SESTD1: variants seen among roughly 807,000 people sequenced by gnomAD.
SESTD1 encodes SEC14 domain and spectrin repeat-containing protein 1.
In SESTD1, 43 loss-of-function variants were observed where a neutral mutation model predicts 101.7. The ratio of observed to expected loss-of-function variants is 0.42; its 90% CI spans 0.33 to 0.55. The LOEUF is 0.55. SESTD1 is among the 20% of genes least tolerant of loss of function. The pLI is 0.07. For synonymous variants in SESTD1, 283 were observed against 286.8 expected, an observed-to-expected ratio of 0.99 and a Z score of 0.13; for missense variants, 647 against 815.1, an observed-to-expected ratio of 0.79 and a Z score of 2.51.
At position 179,176,480 on chromosome 2, in the gene SESTD1, T is replaced by C; in HGVS notation, c.223A>G (p.Asn75Asp). 1 of 1,613,542 alleles carries C rather than the reference T, an allele frequency of 6.2e-7. No homozygotes were observed. Among genetic ancestry groups the C allele is most frequent in the Non-Finnish European group, 8.5e-7 (1 of 1,179,788 alleles). The change falls in exon 4 of 18, where the codon AAT becomes GAT. Residue 75 changes from asparagine (N) to aspartate (D), a missense_variant. Transcript: ENST00000428443. ...ATTACGACTACTGTTTTCACCACAT[T>C]CCACTGTGATTTTCTGCCATCCACA... ...VIVDGRKSQW[N>D]VVKTVVVMLQ...
intron 15 of SESTD1, among the ~76,000 whole-genome samples, chr2:179,115,758 A>G (rs1057408707): frequency 6.6e-6 from 1 of 152,006 alleles, no homozygotes; most frequent in Admixed American, 6.6e-5. Flanking sequence ...AAAAAAACAA[A>G]AATTGTTTTA....
chr2:179,109,962 C>T lies in SESTD1; in HGVS notation c.2028G>A (p.Met676Ile). 6.2e-7 allele frequency: 1 copy of T among 1,613,938 alleles called. No individual in the cohort carries two copies. The change falls in exon 18 of 18, where the codon ATG (methionine) becomes ATA (isoleucine). Residue 676 changes from methionine to isoleucine, a missense_variant. Met to Ile is a conservative substitution (Grantham distance 10, BLOSUM62 1). Coordinates refer to ENST00000428443, the MANE Select transcript of SESTD1 (RefSeq NM_178123.5). Reference protein sequence around the residue: ...ASTAENIRDRMKLVNLKRQQL... With the variant: ...ASTAENIRDRIKLVNLKRQQL... ...GCTGCCTTTTGAGATTAACTAGTTTCATCCTGTCTCTGATGTTTTCTGCAG... is the reference window on the plus strand; with the variant it reads ...GCTGCCTTTTGAGATTAACTAGTTTTATCCTGTCTCTGATGTTTTCTGCAG...
chr2:179,198,027 G>C (rs1488575324), intron 1 of SESTD1, among the ~76,000 whole-genome samples: 6 of 152,174 alleles, frequency 3.9e-5, no homozygotes, highest in Non-Finnish European at 8.8e-5. Flanking sequence ...ACTGGATAAA[G>C]AGTCAAGACC....
rs71023472 is a variant in SESTD1, at chr2:179,229,749, T to TTATATATATATATATATA, written c.-26+34732_-26+34749dup. Among the ~76,000 whole-genome samples, 905 of 106,156 alleles carry TTATATATATATATATATA rather than the reference T, an allele frequency of 8.5e-3. 17 individuals carry two copies. The highest frequency in any genetic ancestry group is 0.011 in the Non-Finnish European group (569 of 50,772). The allele number at this position is 106,156 out of a possible 152,430, so 69.6% of individuals were successfully genotyped here. On this transcript the variant is annotated intron_variant, in intron 1 of 17. Coordinates refer to ENST00000428443, the MANE Select transcript of SESTD1 (RefSeq NM_178123.5). Reference sequence around the variant, plus strand: ...AAGAAATTTAAGATTTTGTAAGAACTTATATATATATATATATATATATAT... The same window carrying TTATATATATATATATATA: ...AAGAAATTTAAGATTTTGTAAGAACTTATATATATATATATATATATATATATATATATATATATATAT...
At chr2:179,225,280 T>C (rs965450290) in intron 1 of SESTD1, among the ~76,000 whole-genome samples, 6 of 152,150 alleles carry the variant, frequency 3.9e-5, no homozygotes, top group African/African-American at 1.2e-4. Flanking sequence ...GGGTTTTTTT[T>C]CCCGTATCTC....
chr2:179,217,338 T>A (rs1284079357), intron 1 of SESTD1, among the ~76,000 whole-genome samples: 1 of 152,182 alleles, frequency 6.6e-6, no homozygotes, highest in Non-Finnish European at 1.5e-5. Context: ...TAGACACTTC[T>A]CAAAAGAAGA....
chr2:179,127,318 C>G (rs76426605), intron 10 of SESTD1, among the ~76,000 whole-genome samples: 2 of 152,198 alleles, frequency 1.3e-5, no homozygotes, highest in African/African-American at 4.8e-5. Flanking sequence ...CTCAGAGAGG[C>G]CTTTCCTAAA....
chr2:179,119,553 C>T (rs1054835592), intron 13 of SESTD1, among the ~76,000 whole-genome samples: 1 of 152,138 alleles, frequency 6.6e-6, no homozygotes, highest in African/African-American at 2.4e-5. Context: ...CCTTCCACCA[C>T]GATTCTGTTT....
At chr2:179,169,620 G>C (rs570317907) in intron 5 of SESTD1, among the ~76,000 whole-genome samples, 1 of 152,166 alleles carries the variant, frequency 6.6e-6, no homozygotes, top group African/African-American at 2.4e-5. Flanking sequence ...TCCAACAACA[G>C]AATACTTATT....
chr2:179,225,008 AGTCAGTAACACAG>A (rs2046863984), intron 1 of SESTD1, among the ~76,000 whole-genome samples: 1 of 152,222 alleles, frequency 6.6e-6, no homozygotes. Context: ...ATAGCCAGTC[AGTCAGTAACACAG>A]GTCACAACCT....
At chr2:179,215,121 C>G (rs2046702354) in intron 1 of SESTD1, among the ~76,000 whole-genome samples, 1 of 133,516 alleles carries the variant, frequency 7.5e-6, no homozygotes, top group African/African-American at 3.0e-5. Flanking sequence ...TAGCAGAAGG[C>G]AAGAAATAAG....
intron 1 of SESTD1, among the ~76,000 whole-genome samples, chr2:179,225,466 A>G (rs2046871948): frequency 6.6e-6 from 1 of 152,142 alleles, no homozygotes; most frequent in African/African-American, 2.4e-5. Context: ...AGAGATCTTT[A>G]TATTTTAAAT....
intron 2 of SESTD1, among the ~76,000 whole-genome samples, chr2:179,189,154 A>G (rs2046281998): frequency 6.6e-6 from 1 of 152,202 alleles, no homozygotes; most frequent in African/African-American, 2.4e-5. Flanking sequence ...ATCCCTGATG[A>G]ACAGAGATGC....
intron 1 of SESTD1, among the ~76,000 whole-genome samples, chr2:179,231,482 T>A (rs2105538560): frequency 6.6e-6 from 1 of 150,958 alleles, no homozygotes; most frequent in East Asian, 1.9e-4. Flanking sequence ...TACAAGTAGC[T>A]GCTACAACAA....
At chr2:179,117,494 GA>G (rs753490454) in intron 14 of SESTD1, 37 bp downstream of exon 14, 53 of 1,508,458 alleles carry the variant, frequency 3.5e-5, no homozygotes, top group Non-Finnish European at 4.3e-5. Context: ...AATCTTCTAA[GA>G]AAAGTTAACT....
chr2:179,187,740 A>T (rs1007856467), intron 2 of SESTD1, among the ~76,000 whole-genome samples: 1 of 152,204 alleles, frequency 6.6e-6, no homozygotes, highest in African/African-American at 2.4e-5. Context: ...GGAAAGACCT[A>T]TTACACATAT....
intron 7 of SESTD1, among the ~76,000 whole-genome samples, chr2:179,147,606 C>T (rs556324166): frequency 4.6e-5 from 7 of 152,230 alleles, no homozygotes; most frequent in East Asian, 1.9e-4. Flanking sequence ...GTGATCCACC[C>T]GCCTTGTCCT....
chr2:179,174,876 G>C (rs568481431), intron 4 of SESTD1, among the ~76,000 whole-genome samples: 3 of 151,316 alleles, frequency 2.0e-5, no homozygotes, highest in Non-Finnish European at 4.4e-5. Flanking sequence ...CTGAGCCCAG[G>C]AGCTGGAGGC....
At chr2:179,232,048 A>G (rs2046996484) in intron 1 of SESTD1, among the ~76,000 whole-genome samples, 1 of 152,088 alleles carries the variant, frequency 6.6e-6, no homozygotes, top group Admixed American at 6.5e-5. Context: ...ATACCCTGAT[A>G]ATAAAAACTG....
Sources: gnomAD v4.1 joint callset for allele counts (sites outside exome capture counted in the v4.1 genomes callset) on GRCh38, gnomAD v4.1.1 for gene constraint, MANE v1.5 for transcripts, NCBI Gene and HGNC (gene_info 2026-07-23, HGNC 2026-07-21) for gene names.